Variants in PPP4R1 observed in about 807,000 individuals in gnomAD.
The protein encoded by PPP4R1 is protein phosphatase 4 regulatory subunit 1, also known as serine/threonine-protein phosphatase 4 regulatory subunit 1.
A neutral mutation model predicts 111.2 loss-of-function variants in PPP4R1; 42 were observed. That is an observed-to-expected ratio of 0.38 (90% CI 0.29 to 0.49). PPP4R1 has a LOEUF of 0.49. PPP4R1 is among the 20% of genes least tolerant of loss of function. The probability of loss-of-function intolerance (pLI) is 0.97; values close to 1 mark genes in which losing one functional copy is unlikely to be tolerated. For missense variants in PPP4R1, 1,012 were observed against 1,161.6 expected (o/e 0.87, Z 1.87); for synonymous variants, 409 against 405.5 (o/e 1.01, Z -0.10).
chr18:9,561,870 T>C, intron 13 of PPP4R1, 110 bp downstream of exon 13: 1 of 807,070 alleles, frequency 1.2e-6, no homozygotes, highest in South Asian at 1.5e-5. Context: ...GACACACTAG[T>C]CAATTTTTAG....
chr18:9,584,718 T>A lies in PPP4R1; in HGVS notation c.693+3A>T. On this transcript the variant is annotated splice_donor_region_variant and intron_variant, in intron 7 of 19. Coordinates refer to ENST00000400556, the MANE Select transcript of PPP4R1 (RefSeq NM_001042388.3). ...CAGCAGAAAAAAAACGACAAAAAAA[T>A]ACCTTTCGAACGTGAAACATTCTGC... is the stretch of plus-strand genomic sequence containing the variant. 6.2e-7 allele frequency: 1 copy of A among 1,612,876 alleles called. No homozygotes were observed. The highest frequency in any genetic ancestry group is 8.5e-7 in the Non-Finnish European group (1 of 1,179,260).
intron 9 of PPP4R1, among the ~76,000 whole-genome samples, chr18:9,579,982 C>T (rs1207747613): frequency 1.3e-5 from 2 of 152,146 alleles, no homozygotes; most frequent in Non-Finnish European, 2.9e-5. Flanking sequence ...GGAACTAATG[C>T]ATGTTACCAA....
At chr18:9,554,030 T>G (rs938368786) in intron 15 of PPP4R1, among the ~76,000 whole-genome samples, 1 of 152,102 alleles carries the variant, frequency 6.6e-6, no homozygotes, top group Non-Finnish European at 1.5e-5. Flanking sequence ...TGCTAGGAAG[T>G]CCTGAATATT....
intron 11 of PPP4R1, chr18:9,563,800 A>G (rs2066717505): frequency 3.3e-6 from 1 of 301,268 alleles, no homozygotes. Flanking sequence ...GTTAGTATGA[A>G]AAGAGAAATG....
At chr18:9,575,718 G>A (rs528896479) in intron 10 of PPP4R1, among the ~76,000 whole-genome samples, 1 of 152,256 alleles carries the variant, frequency 6.6e-6, no homozygotes, top group South Asian at 2.1e-4. Flanking sequence ...AGTTTTACTG[G>A]AACACAGCCA....
intron 2 of PPP4R1, among the ~76,000 whole-genome samples, chr18:9,596,798 G>C (rs901014384): frequency 1.3e-5 from 2 of 152,132 alleles, no homozygotes; most frequent in Admixed American, 1.3e-4. Flanking sequence ...ACTTTAAACA[G>C]ATAACATTTT....
intron 13 of PPP4R1, 38 bp from the exon 14 acceptor site, chr18:9,559,642 GAGATGCATTT>G (rs756594928): frequency 7.5e-6 from 11 of 1,470,326 alleles, no homozygotes; most frequent in Non-Finnish European, 1.0e-5. Context: ...CTGAGCAGCT[GAGATGCATTT>G]TGAGCAGTTT....
At chr18:9,590,639 G>A (rs577858022) in intron 4 of PPP4R1, among the ~76,000 whole-genome samples, 1 of 152,150 alleles carries the variant, frequency 6.6e-6, no homozygotes, top group South Asian at 2.1e-4. Context: ...TTATTAAAAG[G>A]TGAACTGGGA....
chr18:9,611,077 A>G (rs1332601255), intron 2 of PPP4R1, among the ~76,000 whole-genome samples: 1 of 152,162 alleles, frequency 6.6e-6, no homozygotes, highest in African/African-American at 2.4e-5. Flanking sequence ...TTCAAGTCCT[A>G]GACTCCAGCT....
At chr18:9,555,940 T>C (rs539195824) in intron 15 of PPP4R1, among the ~76,000 whole-genome samples, 12 of 149,892 alleles carry the variant, frequency 8.0e-5, no homozygotes, top group African/African-American at 2.2e-4. Flanking sequence ...ATCAAGACCA[T>C]CCTGGCCAAC....
Position 9,576,408 on chromosome 18 carries a change from A to T in PPP4R1, c.1046+656T>A, listed in dbSNP as rs2066936617. On this transcript the variant is annotated intron_variant, in intron 10 of 19. Coordinates refer to ENST00000400556, the MANE Select transcript of PPP4R1 (RefSeq NM_001042388.3). ...TTCCCCTAAATATATATTATAATAA[A>T]TTTTTAAAATTTAAATTTAATAGAA... 2.0e-5 allele frequency among the ~76,000 whole-genome samples: 3 copies of T among 151,988 alleles called. No homozygotes were observed. The South Asian group carries it at 6.2e-4, about 31-fold the overall frequency.
chr18:9,591,840 GT>G (rs1298789897), intron 4 of PPP4R1, among the ~76,000 whole-genome samples: 4 of 152,150 alleles, frequency 2.6e-5, no homozygotes, highest in African/African-American at 9.7e-5. Flanking sequence ...CTTGAGGCAG[GT>G]GGATCACTTG....
At position 9,570,379 on chromosome 18, in the gene PPP4R1, C is replaced by T; in HGVS notation, c.1351G>A (p.Glu451Lys). 6.2e-7 allele frequency: 1 copy of T among 1,613,350 alleles called. No homozygotes were observed. Among genetic ancestry groups the T allele is most frequent in the East Asian group, 2.2e-5 (1 of 44,894 alleles). ...CAGAAATGGAAGGAGTTATACAATTCCTGATCTAAGAGAGCTGAATCTTGT... is the reference window on the plus strand; with the variant it reads ...CAGAAATGGAAGGAGTTATACAATTTCTGATCTAAGAGAGCTGAATCTTGT... ...TSQDSALLDQ[E>K]LYNSFHFWRT... Residue 451 changes from glutamate to lysine, a missense_variant, in exon 11 of 20, where the codon GAA becomes AAA. Physicochemically the swap from Glu to Lys is moderately conservative, Grantham distance 56. Coordinates refer to ENST00000400556, the MANE Select transcript of PPP4R1 (RefSeq NM_001042388.3).
At chr18:9,612,095 T>C (rs2067591420) in intron 2 of PPP4R1, among the ~76,000 whole-genome samples, 1 of 152,234 alleles carries the variant, frequency 6.6e-6, no homozygotes. Flanking sequence ...CAGTGTTTCC[T>C]TCTCTGCTCT....
chr18:9,551,993 G>A (rs1303360144), intron 16 of PPP4R1: 2 of 152,418 alleles, frequency 1.3e-5, no homozygotes, highest in African/African-American at 4.8e-5. Context: ...TGACTAGATG[G>A]ACTCACACCC....
At chr18:9,597,118 CCT>C (rs2067302601) in intron 2 of PPP4R1, among the ~76,000 whole-genome samples, 1 of 151,956 alleles carries the variant, frequency 6.6e-6, no homozygotes, top group Non-Finnish European at 1.5e-5. Context: ...CACTCTAGCC[CCT>C]GAGAAACACA....
rs2145258699 is a variant in PPP4R1, at chr18:9,595,009, TG to T, written c.188+8del. ...CACTTCCACTTTAACAAAAAGAATA[TG>T]CACATACCTGTTAAATATGTTCTCA... On this transcript the variant is annotated splice_region_variant and intron_variant, in intron 3 of 19. Coordinates refer to ENST00000400556, the MANE Select transcript of PPP4R1 (RefSeq NM_001042388.3). 1 of 1,611,380 alleles carries T rather than the reference TG, an allele frequency of 6.2e-7. No homozygotes were observed. The highest frequency in any genetic ancestry group is 1.3e-5 in the African/African-American group (1 of 74,900).
At chr18:9,594,080 A>G (rs2067254617) in intron 3 of PPP4R1, 1 of 454,264 alleles carries the variant, frequency 2.2e-6, no homozygotes, top group East Asian at 3.8e-5. Context: ...GGCATGCACC[A>G]CCACACCTGG....
chr18:9,559,859 T>G (rs1384075898), intron 13 of PPP4R1, among the ~76,000 whole-genome samples: 1 of 152,070 alleles, frequency 6.6e-6, no homozygotes. Flanking sequence ...AAAGGAAAAT[T>G]AGAATTAATT....
Sources: allele counts gnomAD v4.1 joint callset (sites outside exome capture counted in the v4.1 genomes callset), GRCh38; gene constraint gnomAD v4.1.1; transcripts MANE v1.5; gene names NCBI Gene and HGNC (gene_info 2026-07-23, HGNC 2026-07-21).